Variants in CAST observed in about 807,000 individuals in gnomAD.
The protein encoded by CAST is calpastatin.
In CAST, 76 loss-of-function variants were observed where a neutral mutation model predicts 119.6. The observed-to-expected ratio is 0.64, with a 90% confidence interval of 0.53 to 0.77. CAST has a LOEUF of 0.77. Ranked by LOEUF, CAST falls within the 30% of genes least tolerant of loss-of-function variation. CAST has a pLI of 0.00. For missense variants in CAST, 953 were observed against 946.5 expected (o/e 1.01, Z -0.09); for synonymous variants, 319 against 331.6 (o/e 0.96, Z 0.41).
the CAST span, among the ~76,000 whole-genome samples, chr5:96,024,053 G>A: frequency 6.6e-6 from 1 of 152,102 alleles, no homozygotes; most frequent in Non-Finnish European, 1.5e-5. Flanking sequence ...ATCCAATGGA[G>A]GCAAAATATT....
intron 29 of CAST, chr5:96,768,412 C>T: frequency 2.2e-6 from 1 of 456,822 alleles, no homozygotes; most frequent in South Asian, 1.6e-5. Context: ...TAGAATGAAT[C>T]AAACGATGAT....
chr5:96,425,758 G>T, the CAST span: 8 of 872,266 alleles, frequency 9.2e-6, no homozygotes, highest in Non-Finnish European at 1.6e-5. Flanking sequence ...TGTTGCAAAT[G>T]TAACAACATA....
chr5:96,385,253 T>C, the CAST span, among the ~76,000 whole-genome samples: 1 of 152,224 alleles, frequency 6.6e-6, no homozygotes, highest in Admixed American at 6.5e-5. Context: ...GGAGTGATGA[T>C]TGACAAGGAC....
chr5:96,373,428 T>C, the CAST span, among the ~76,000 whole-genome samples: 40,073 of 152,194 alleles, frequency 0.26, 5,372 homozygotes, highest in South Asian at 0.32. Flanking sequence ...TTAGTGCTGG[T>C]AGATCAACTT....
At chr5:96,615,281 C>A (rs2150197194) in intron 1 of CAST, among the ~76,000 whole-genome samples, 1 of 152,314 alleles carries the variant, frequency 6.6e-6, no homozygotes, top group South Asian at 2.1e-4. Context: ...ACAATATTTT[C>A]TATTTCCAGT....
the CAST span, among the ~76,000 whole-genome samples, chr5:96,094,019 G>A: frequency 6.6e-6 from 1 of 151,652 alleles, no homozygotes; most frequent in Non-Finnish European, 1.5e-5. Flanking sequence ...TTGTCTTAAA[G>A]GCATGCCTTA....
chr5:96,217,810 T>A, the CAST span, among the ~76,000 whole-genome samples: 1 of 152,162 alleles, frequency 6.6e-6, no homozygotes, highest in African/African-American at 2.4e-5. Context: ...AGAAGGGTTA[T>A]CCTTAGGGAT....
chr5:96,398,425 C>G, the CAST span, among the ~76,000 whole-genome samples: 1 of 152,186 alleles, frequency 6.6e-6, no homozygotes, highest in Non-Finnish European at 1.5e-5. Flanking sequence ...TATAAAATGG[C>G]CTTATTCATG....
chr5:96,396,112 A>C, the CAST span, among the ~76,000 whole-genome samples: 6 of 152,096 alleles, frequency 3.9e-5, no homozygotes, highest in South Asian at 1.0e-3. Flanking sequence ...TTTTTGCTCT[A>C]TGAGAGAAGG....
chr5:96,653,199 G>A (rs1561439863), intron 1 of CAST, among the ~76,000 whole-genome samples: 1 of 152,234 alleles, frequency 6.6e-6, no homozygotes, highest in Admixed American at 6.5e-5. Flanking sequence ...CTCTGTGTCT[G>A]AGTAGGCAAA....
At chr5:96,421,607 ATTCT>A in the CAST span, among the ~76,000 whole-genome samples, 1 of 152,222 alleles carries the variant, frequency 6.6e-6, no homozygotes, top group Non-Finnish European at 1.5e-5. Flanking sequence ...TGTCTCAAAC[ATTCT>A]TTCTAAAGCT....
At chr5:96,751,941 G>A (rs1765154985) in intron 20 of CAST, among the ~76,000 whole-genome samples, 1 of 152,148 alleles carries the variant, frequency 6.6e-6, no homozygotes, top group South Asian at 2.1e-4. Context: ...CACCAACTCT[G>A]GCCATGGTTG....
chr5:96,597,077 T>TG (rs1228565888), intron 1 of CAST, among the ~76,000 whole-genome samples: 1 of 152,214 alleles, frequency 6.6e-6, no homozygotes, highest in Non-Finnish European at 1.5e-5. Context: ...GTGAATTTTG[T>TG]GGGGGACACA....
chr5:96,542,164 G>C (rs900398744), intron 1 of CAST, among the ~76,000 whole-genome samples: 4 of 152,066 alleles, frequency 2.6e-5, no homozygotes, highest in Non-Finnish European at 5.9e-5. Flanking sequence ...CAAAAAATTA[G>C]CCGGGCGAGG....
At chr5:96,134,229 C>T in the CAST span, among the ~76,000 whole-genome samples, 6 of 152,140 alleles carry the variant, frequency 3.9e-5, no homozygotes, top group African/African-American at 1.4e-4. Flanking sequence ...AAAATACAAA[C>T]ATAAAACCAA....
chr5:96,285,820 G>A, the CAST span, among the ~76,000 whole-genome samples: 2 of 152,090 alleles, frequency 1.3e-5, no homozygotes, highest in African/African-American at 2.4e-5. Context: ...ATAAGTGCTA[G>A]GTATTAAATA....
chr5:96,750,661 A>AC lies in CAST; in HGVS notation c.1508dup (p.Glu504Ter), dbSNP rs774677666. 6.2e-7 allele frequency: 1 copy of AC among 1,612,370 alleles called. No homozygotes were observed. The highest frequency in any genetic ancestry group is 8.5e-7 in the Non-Finnish European group (1 of 1,178,840). On this transcript the variant is annotated frameshift_variant, in exon 20 of 32. Coordinates refer to ENST00000675179, the MANE Select transcript of CAST (RefSeq NM_001750.7). LOFTEE classifies it high-confidence loss of function. ...CCTCCATGTGTAGTATACAGTCAGC[A>AC]CCCCCTGAGCCGGCTACCTTGGTGA...
At chr5:96,468,877 G>C in the CAST span, among the ~76,000 whole-genome samples, 1 of 152,002 alleles carries the variant, frequency 6.6e-6, no homozygotes, top group Non-Finnish European at 1.5e-5. Flanking sequence ...ACAGCTAGTT[G>C]GGGAAAATAA....
chr5:96,153,179 A>C, the CAST span, among the ~76,000 whole-genome samples: 1 of 152,144 alleles, frequency 6.6e-6, no homozygotes, highest in African/African-American at 2.4e-5. Context: ...GAGTAGAAAG[A>C]GCATAAGCAT....
Sources: allele counts gnomAD v4.1 joint callset (sites outside exome capture counted in the v4.1 genomes callset), GRCh38; gene constraint gnomAD v4.1.1; transcripts MANE v1.5; gene names NCBI Gene and HGNC (gene_info 2026-07-23, HGNC 2026-07-21).